The following FAM135B variants were observed in gnomAD, a reference collection of about 807,000 sequenced individuals.
FAM135B encodes family with sequence similarity 135 member B.
Under a neutral mutation model 127.7 loss-of-function variants are expected in FAM135B, and 43 were observed. That is an observed-to-expected ratio of 0.34 (90% CI 0.26 to 0.43). FAM135B has a LOEUF of 0.43. Ranked by LOEUF, FAM135B falls within the 20% of genes least tolerant of loss-of-function variation. The pLI, the probability that FAM135B is intolerant of heterozygous loss-of-function variation, is 1.00. For missense variants in FAM135B, 1,558 were observed against 1,725.6 expected, an observed-to-expected ratio of 0.90 and a Z score of 1.72; for synonymous variants, 670 against 665.1, an observed-to-expected ratio of 1.01 and a Z score of -0.11.
At chr8:138,257,308 C>T (rs1822169004) in intron 4 of FAM135B, among the ~76,000 whole-genome samples, 2 of 152,134 alleles carry the variant, frequency 1.3e-5, no homozygotes. Context: ...AAAGCAGCTT[C>T]TTCATTTTTG....
chr8:138,193,165 C>T (rs578037206), intron 9 of FAM135B, among the ~76,000 whole-genome samples: 12 of 152,196 alleles, frequency 7.9e-5, no homozygotes, highest in Non-Finnish European at 1.6e-4. Flanking sequence ...AGGCAGAAGG[C>T]CTGCTGCATG....
chr8:138,359,297 A>C (rs1312175548), intron 2 of FAM135B, among the ~76,000 whole-genome samples: 1 of 152,182 alleles, frequency 6.6e-6, no homozygotes, highest in African/African-American at 2.4e-5. Flanking sequence ...TAAGTGATCA[A>C]TATCCTACAT....
intron 6 of FAM135B, among the ~76,000 whole-genome samples, chr8:138,248,157 G>T (rs571477797): frequency 6.6e-6 from 1 of 152,140 alleles, no homozygotes. Flanking sequence ...GGTATGTACC[G>T]AAACTGAAAC....
intron 11 of FAM135B, among the ~76,000 whole-genome samples, chr8:138,169,211 T>G (rs975164519): frequency 1.2e-4 from 18 of 152,124 alleles, no homozygotes; most frequent in Admixed American, 2.6e-4. Context: ...CTTCTCATTT[T>G]TCAATTGGAT....
At chr8:138,367,304 T>C (rs1830800012) in intron 2 of FAM135B, 1 of 449,876 alleles carries the variant, frequency 2.2e-6, no homozygotes. Context: ...TGGTTTCTTA[T>C]ATAACCATTT....
At chr8:138,205,417 T>G (rs1245326235) in intron 7 of FAM135B, among the ~76,000 whole-genome samples, 1 of 152,172 alleles carries the variant, frequency 6.6e-6, no homozygotes, top group African/African-American at 2.4e-5. Flanking sequence ...TGTTCACACA[T>G]CCAGGAAACA....
At chr8:138,478,689 C>T (rs1007976506) in intron 1 of FAM135B, among the ~76,000 whole-genome samples, 5 of 152,162 alleles carry the variant, frequency 3.3e-5, no homozygotes, top group African/African-American at 1.2e-4. Flanking sequence ...AGGTTAGCCA[C>T]ATAAGACAAC....
At chr8:138,182,439 C>T (rs1815139110) in intron 9 of FAM135B, among the ~76,000 whole-genome samples, 3 of 152,176 alleles carry the variant, frequency 2.0e-5, no homozygotes, top group Non-Finnish European at 2.9e-5. Context: ...ACGCCTGCCA[C>T]ACTTTCACCC....
chr8:138,284,754 C>T lies in FAM135B; in HGVS notation c.158-18912G>A, dbSNP rs375536115. 2.9e-4 allele frequency among the ~76,000 whole-genome samples: 44 copies of T among 152,138 alleles called. 4 individuals carry two copies. The highest frequency in any genetic ancestry group is 1.9e-3 in the East Asian group (10 of 5,134). On this transcript the variant is annotated intron_variant, in intron 3 of 19. Transcript: ENST00000395297. The stretch of plus-strand genomic sequence containing the variant: ...TCTTCCCTAATCTCCTTAACGTGGT[C>T]AGACATACCTCTTAGTGGTGTGTCT...
At chr8:138,297,394 A>C (rs1182760135) in intron 3 of FAM135B, among the ~76,000 whole-genome samples, 1 of 152,222 alleles carries the variant, frequency 6.6e-6, no homozygotes, top group African/African-American at 2.4e-5. Flanking sequence ...CCAAAGTCTC[A>C]CCATTTTAGA....
At chr8:138,388,258 A>G (rs1402044415) in intron 1 of FAM135B, among the ~76,000 whole-genome samples, 1 of 152,218 alleles carries the variant, frequency 6.6e-6, no homozygotes, top group Non-Finnish European at 1.5e-5. Flanking sequence ...AATGATGGCA[A>G]ACATGTGGAG....
intron 1 of FAM135B, among the ~76,000 whole-genome samples, chr8:138,478,227 C>T (rs1480048716): frequency 6.6e-6 from 1 of 152,112 alleles, no homozygotes; most frequent in Non-Finnish European, 1.5e-5. Flanking sequence ...GTCACACATG[C>T]TCTCTGAGCC....
intron 2 of FAM135B, among the ~76,000 whole-genome samples, chr8:138,331,980 C>A (rs1238334417): frequency 6.6e-6 from 1 of 152,208 alleles, no homozygotes; most frequent in South Asian, 2.1e-4. Context: ...GTTAATGTCT[C>A]CAGGACTCTC....
chr8:138,150,231 C>T (rs540046518), intron 13 of FAM135B, among the ~76,000 whole-genome samples: 1 of 152,244 alleles, frequency 6.6e-6, no homozygotes, highest in Non-Finnish European at 1.5e-5. Flanking sequence ...AACTTAGAAG[C>T]CCCACAATGT....
intron 1 of FAM135B, among the ~76,000 whole-genome samples, chr8:138,493,115 T>C (rs1039360847): frequency 4.6e-5 from 7 of 152,236 alleles, no homozygotes; most frequent in African/African-American, 1.7e-4. Flanking sequence ...CCCTCACGAG[T>C]CACTCCTGAG....
intron 7 of FAM135B, among the ~76,000 whole-genome samples, chr8:138,221,261 C>G (rs1819005010): frequency 6.6e-6 from 1 of 152,144 alleles, no homozygotes; most frequent in Non-Finnish European, 1.5e-5. Context: ...GAAGGAGAAG[C>G]AGGCACCTCT....
At chr8:138,464,059 T>C (rs904649914) in intron 1 of FAM135B, among the ~76,000 whole-genome samples, 1 of 152,308 alleles carries the variant, frequency 6.6e-6, no homozygotes, top group East Asian at 1.9e-4. Flanking sequence ...AATGTCCGTA[T>C]TCACTCATTC....
chr8:138,217,902 T>C (rs1818696454), intron 7 of FAM135B, among the ~76,000 whole-genome samples: 1 of 152,174 alleles, frequency 6.6e-6, no homozygotes, highest in Non-Finnish European at 1.5e-5. Flanking sequence ...AGCCATGGGA[T>C]GAAGACAAGA....
intron 1 of FAM135B, among the ~76,000 whole-genome samples, chr8:138,445,699 A>G (rs943426888): frequency 6.6e-6 from 1 of 152,186 alleles, no homozygotes; most frequent in African/African-American, 2.4e-5. Context: ...CCAATATCAT[A>G]CTGAATGGAC....
Sources: gnomAD v4.1 joint callset for allele counts (sites outside exome capture counted in the v4.1 genomes callset) on GRCh38, gnomAD v4.1.1 for gene constraint, MANE v1.5 for transcripts, NCBI Gene and HGNC (gene_info 2026-07-23, HGNC 2026-07-21) for gene names.